The following ACOXL variants were observed in gnomAD, a reference collection of about 807,000 sequenced individuals.
ACOXL encodes the protein acyl-coenzyme A oxidase-like protein.
A neutral mutation model predicts 71.9 loss-of-function variants in ACOXL; 70 were observed. That is an observed-to-expected ratio of 0.97 (90% CI 0.80 to 1.19). The LOEUF is 1.19. ACOXL is among the 50% of genes most tolerant of loss of function. ACOXL has a pLI of 0.00. For missense variants in ACOXL, 703 were observed against 736.3 expected (o/e 0.95, Z 0.52); for synonymous variants, 253 against 281.6 (o/e 0.90, Z 1.02).
chr2:110,768,513 T>TGTGTGTGTGTGTGAGAGA lies in ACOXL; in HGVS notation c.75+50_75+51insTGTGTGTGTGTGAGAGAG, dbSNP rs397975396. The TGTGTGTGTGTGTGAGAGA allele has an allele frequency of 1.6e-4, 145 of 929,800 alleles. No homozygotes were observed. In the African/African-American group the frequency reaches 2.0e-3, roughly 13 times the overall value. 57.6% of individuals were successfully genotyped at this position (929,800 alleles called of 1,614,324 possible). On this transcript the variant is annotated intron_variant, in intron 2 of 17. Transcript: ENST00000439055. The stretch of plus-strand genomic sequence containing the variant: ...ATGGTTGTGTGTGTGTGTGTGTGTG[T>TGTGTGTGTGTGTGAGAGA]GAGAGAGAGAGAGAGAGAGAGAGAG...
chr2:110,785,284 A>C (rs1000768961), intron 3 of ACOXL, among the ~76,000 whole-genome samples: 3 of 152,120 alleles, frequency 2.0e-5, no homozygotes, highest in African/African-American at 7.2e-5. Flanking sequence ...GCAGTAATGC[A>C]ATGTAAAATC....
At chr2:110,852,515 G>T (rs762971447) in intron 10 of ACOXL, among the ~76,000 whole-genome samples, 1 of 152,196 alleles carries the variant, frequency 6.6e-6, no homozygotes. Context: ...TTCTAAATCT[G>T]CCTCCCTCAG....
At chr2:111,039,422 G>A (rs2065672077) in intron 15 of ACOXL, among the ~76,000 whole-genome samples, 1 of 151,456 alleles carries the variant, frequency 6.6e-6, no homozygotes, top group Non-Finnish European at 1.5e-5. Flanking sequence ...AAAAAAAAAG[G>A]CAGCGTTTAT....
intron 1 of ACOXL, among the ~76,000 whole-genome samples, chr2:110,764,182 A>G (rs1264055256): frequency 6.6e-6 from 1 of 152,184 alleles, no homozygotes; most frequent in Non-Finnish European, 1.5e-5. Context: ...AGGAATGGAA[A>G]ACTTACGTGC....
intron 9 of ACOXL, among the ~76,000 whole-genome samples, chr2:110,832,838 ACTAG>A (rs1344054125): frequency 1.3e-5 from 2 of 152,262 alleles, no homozygotes; most frequent in African/African-American, 4.8e-5. Flanking sequence ...GTTTAACATC[ACTAG>A]CTATTAGGGA....
chr2:111,038,228 C>T (rs1377732241), intron 15 of ACOXL, among the ~76,000 whole-genome samples: 2 of 152,188 alleles, frequency 1.3e-5, no homozygotes, highest in African/African-American at 4.8e-5. Flanking sequence ...TCTAAGGTCA[C>T]ACAGTTAAAA....
At chr2:110,877,180 T>G (rs1696026507) in intron 10 of ACOXL, among the ~76,000 whole-genome samples, 1 of 152,256 alleles carries the variant, frequency 6.6e-6, no homozygotes, top group African/African-American at 2.4e-5. Context: ...GCAGTGGGTG[T>G]GGCTGTCTCA....
chr2:110,984,946 G>A (rs547439061), intron 12 of ACOXL, among the ~76,000 whole-genome samples: 1 of 152,306 alleles, frequency 6.6e-6, no homozygotes, highest in East Asian at 1.9e-4. Context: ...TAAACAAGTT[G>A]TGGTCTGTAG....
At chr2:110,772,269 A>C (rs1682043702) in intron 2 of ACOXL, among the ~76,000 whole-genome samples, 1 of 152,160 alleles carries the variant, frequency 6.6e-6, no homozygotes, top group Admixed American at 6.5e-5. Context: ...CCCTGTCTGC[A>C]CAATAGAAGC....
intron 11 of ACOXL, among the ~76,000 whole-genome samples, chr2:110,912,709 A>G (rs543473312): frequency 6.6e-6 from 1 of 152,148 alleles, no homozygotes; most frequent in Non-Finnish European, 1.5e-5. Flanking sequence ...TTTCTTAGAT[A>G]GAATACCAAA....
intron 2 of ACOXL, among the ~76,000 whole-genome samples, chr2:110,781,623 A>G (rs1203820462): frequency 6.6e-6 from 1 of 152,002 alleles, no homozygotes; most frequent in Admixed American, 6.6e-5. Flanking sequence ...CCTGGGTGAC[A>G]GAATGATACT....
intron 10 of ACOXL, among the ~76,000 whole-genome samples, chr2:110,906,967 A>C (rs1431018683): frequency 5.9e-5 from 9 of 152,262 alleles, no homozygotes; most frequent in African/African-American, 2.2e-4. Flanking sequence ...CAGTAGAATC[A>C]CAGCATGTAA....
At chr2:111,105,723 A>C (rs1056970524) in intron 17 of ACOXL, among the ~76,000 whole-genome samples, 1 of 152,120 alleles carries the variant, frequency 6.6e-6, no homozygotes, top group Non-Finnish European at 1.5e-5. Flanking sequence ...ATCTTGCTCA[A>C]CTTGTTGAAT....
intron 17 of ACOXL, among the ~76,000 whole-genome samples, chr2:111,103,428 C>G (rs1021264188): frequency 2.0e-5 from 3 of 152,336 alleles, no homozygotes; most frequent in Admixed American, 2.0e-4. Context: ...ATTAAGGACT[C>G]TTTGCATCTT....
intron 14 of ACOXL, among the ~76,000 whole-genome samples, chr2:111,014,550 T>C (rs139398106): frequency 1.8e-4 from 27 of 152,340 alleles, no homozygotes; most frequent in African/African-American, 6.5e-4. Flanking sequence ...TTCATCCTCC[T>C]GAAATTAGCC....
chr2:110,852,919 A>G (rs1057056909), intron 10 of ACOXL, among the ~76,000 whole-genome samples: 2 of 152,204 alleles, frequency 1.3e-5, no homozygotes, highest in Non-Finnish European at 2.9e-5. Context: ...CTCCACCCTC[A>G]TTAGAGCCCA....
intron 12 of ACOXL, among the ~76,000 whole-genome samples, chr2:110,972,111 A>G (rs1467388371): frequency 6.6e-6 from 1 of 152,180 alleles, no homozygotes; most frequent in Non-Finnish European, 1.5e-5. Context: ...TTTATCACAT[A>G]CGTGGGAGCA....
chr2:111,023,553 G>A (rs958380576), intron 14 of ACOXL, among the ~76,000 whole-genome samples: 2 of 152,172 alleles, frequency 1.3e-5, no homozygotes, highest in Non-Finnish European at 2.9e-5. Context: ...GTCCGGATGG[G>A]TGTGGGGACG....
intron 16 of ACOXL, among the ~76,000 whole-genome samples, chr2:111,063,067 A>G (rs2066896613): frequency 6.6e-6 from 1 of 152,166 alleles, no homozygotes; most frequent in Non-Finnish European, 1.5e-5. Context: ...TTATTCGAAA[A>G]CACACAATAC....
Sources: gnomAD v4.1 joint callset for allele counts (sites outside exome capture counted in the v4.1 genomes callset) on GRCh38, gnomAD v4.1.1 for gene constraint, MANE v1.5 for transcripts, NCBI Gene and HGNC (gene_info 2026-07-23, HGNC 2026-07-21) for gene names.